Variants in CACNA2D3 observed in about 807,000 individuals in gnomAD.
CACNA2D3 encodes the protein voltage-dependent calcium channel subunit alpha-2/delta-3.
Under a neutral mutation model 160.6 loss-of-function variants are expected in CACNA2D3, and 60 were observed. The observed-to-expected ratio is 0.37, with a 90% CI of 0.30 to 0.46. The LOEUF (loss-of-function observed/expected upper bound fraction) is 0.46, where lower values mean the gene tolerates loss of function less well. CACNA2D3 is among the 20% of genes least tolerant of loss of function. CACNA2D3 has a pLI of 1.00. For synonymous variants in CACNA2D3, 558 were observed against 492.9 expected (o/e 1.13, Z -1.75); for missense variants, 1,205 against 1,365.0 (o/e 0.88, Z 1.85).
chr3:54,341,650 A>C (rs12497704), intron 3 of CACNA2D3, among the ~76,000 whole-genome samples: 1 of 152,188 alleles, frequency 6.6e-6, no homozygotes, highest in African/African-American at 2.4e-5. Context: ...AGAGGTTGCC[A>C]AGTGTCAGTA....
chr3:54,871,176 G>T (rs2703024), intron 17 of CACNA2D3, among the ~76,000 whole-genome samples: 79,235 of 144,860 alleles, frequency 0.55, 23,382 homozygotes, highest in East Asian at 0.86. Flanking sequence ...ATACCATATA[G>T]GTGGAGACAC....
chr3:54,651,879 A>G (rs1699771267), intron 11 of CACNA2D3, among the ~76,000 whole-genome samples: 4 of 152,174 alleles, frequency 2.6e-5, no homozygotes. Flanking sequence ...TCCTGAGCTG[A>G]TTCAGGGATT....
intron 2 of CACNA2D3, among the ~76,000 whole-genome samples, chr3:54,297,712 C>CA (rs5849037): frequency 0.36 from 41,447 of 116,100 alleles, 6,858 homozygotes; most frequent in East Asian, 0.59. Flanking sequence ...TCCCCGCCAC[C>CA]AAAAAAAAAA....
At chr3:54,179,054 A>G (rs1247164665) in intron 2 of CACNA2D3, among the ~76,000 whole-genome samples, 3 of 151,882 alleles carry the variant, frequency 2.0e-5, no homozygotes, top group African/African-American at 7.3e-5. Context: ...CCTTTTTGGG[A>G]GGAGAGGGGT....
At chr3:54,687,139 T>TTCTTTTTCTTTTTC in intron 11 of CACNA2D3, among the ~76,000 whole-genome samples, 1 of 64,880 alleles carries the variant, frequency 1.5e-5, no homozygotes, top group African/African-American at 8.6e-5. Context: ...TTTTTTGTTT[T>TTCTTTTTCTTTTTC]TTTTTTTTTT....
chr3:54,791,898 G>T (rs1422096183), intron 13 of CACNA2D3, among the ~76,000 whole-genome samples: 3 of 152,156 alleles, frequency 2.0e-5, no homozygotes, highest in African/African-American at 7.2e-5. Context: ...TTTCACATGA[G>T]CCCAGCAGCA....
At chr3:54,839,785 T>A (rs1329258105) in intron 16 of CACNA2D3, among the ~76,000 whole-genome samples, 1 of 152,178 alleles carries the variant, frequency 6.6e-6, no homozygotes, top group East Asian at 1.9e-4. Context: ...CTCTGCAGGT[T>A]CCTGGCTCCA....
chr3:54,847,766 T>G (rs1268831396), intron 17 of CACNA2D3, among the ~76,000 whole-genome samples: 1 of 152,254 alleles, frequency 6.6e-6, no homozygotes, highest in Non-Finnish European at 1.5e-5. Flanking sequence ...TTAAAGACAT[T>G]TAAGTCCAAA....
chr3:54,719,815 C>CT (rs1701136109), intron 11 of CACNA2D3, among the ~76,000 whole-genome samples: 1 of 152,024 alleles, frequency 6.6e-6, no homozygotes, highest in South Asian at 2.1e-4. Flanking sequence ...GATTCAATCA[C>CT]TTTAATAGAT....
At chr3:54,318,611 A>G (rs930469972) in intron 2 of CACNA2D3, among the ~76,000 whole-genome samples, 2 of 151,704 alleles carry the variant, frequency 1.3e-5, no homozygotes, top group Non-Finnish European at 2.9e-5. Context: ...ACCTCTTCCC[A>G]CTTCCCCTAT....
chr3:54,894,579 G>C (rs762227832), intron 25 of CACNA2D3: 1 of 513,718 alleles, frequency 1.9e-6, no homozygotes, highest in Non-Finnish European at 3.9e-6. Flanking sequence ...GCATAGACAG[G>C]GCACCTCTTA....
intron 4 of CACNA2D3, among the ~76,000 whole-genome samples, chr3:54,394,565 C>T (rs1278559668): frequency 3.3e-5 from 4 of 121,812 alleles, no homozygotes; most frequent in Middle Eastern, 3.8e-3. Flanking sequence ...TGAGAATATG[C>T]GGTGTTTGGT....
At chr3:54,613,721 T>C (rs1358187655) in intron 9 of CACNA2D3, among the ~76,000 whole-genome samples, 1 of 152,192 alleles carries the variant, frequency 6.6e-6, no homozygotes, top group African/African-American at 2.4e-5. Context: ...ATTTCCAGGC[T>C]CATGGTGCGC....
At chr3:54,812,786 C>T (rs1264457889) in intron 13 of CACNA2D3, among the ~76,000 whole-genome samples, 1 of 152,186 alleles carries the variant, frequency 6.6e-6, no homozygotes, top group Non-Finnish European at 1.5e-5. Context: ...TCAACAGGAA[C>T]ATTTCCTGAC....
At chr3:54,796,621 A>G (rs1242870463) in intron 13 of CACNA2D3, among the ~76,000 whole-genome samples, 1 of 152,210 alleles carries the variant, frequency 6.6e-6, no homozygotes, top group Non-Finnish European at 1.5e-5. Flanking sequence ...AGCATTCTTC[A>G]CAGACTAAAA....
At chr3:54,403,803 A>G (rs1311602961) in intron 4 of CACNA2D3, among the ~76,000 whole-genome samples, 1 of 152,160 alleles carries the variant, frequency 6.6e-6, no homozygotes, top group African/African-American at 2.4e-5. Flanking sequence ...ATGAAAGTGG[A>G]GACATTATAA....
intron 11 of CACNA2D3, among the ~76,000 whole-genome samples, chr3:54,707,960 T>C (rs1337841020): frequency 6.6e-6 from 1 of 152,182 alleles, no homozygotes; most frequent in Non-Finnish European, 1.5e-5. Flanking sequence ...AATTAAGACT[T>C]GGTTATGTGA....
intron 14 of CACNA2D3, among the ~76,000 whole-genome samples, chr3:54,828,435 G>T (rs2106739984): frequency 6.6e-6 from 1 of 152,218 alleles, no homozygotes; most frequent in African/African-American, 2.4e-5. Context: ...CATGACCATG[G>T]CTTTATTTAT....
chr3:54,820,978 C>T (rs551237676), intron 14 of CACNA2D3, among the ~76,000 whole-genome samples: 1 of 152,062 alleles, frequency 6.6e-6, no homozygotes, highest in African/African-American at 2.4e-5. Context: ...GTTTAATCAA[C>T]GTAGAGTGGG....
Sources: allele counts gnomAD v4.1 joint callset (sites outside exome capture counted in the v4.1 genomes callset), GRCh38; gene constraint gnomAD v4.1.1; transcripts MANE v1.5; gene names NCBI Gene and HGNC (gene_info 2026-07-23, HGNC 2026-07-21).